The following RIC3 variants were observed in gnomAD, a reference collection of about 807,000 sequenced individuals.
The protein encoded by RIC3 is RIC3 acetylcholine receptor chaperone.
RIC3 carries 28 observed loss-of-function variants against 27.3 expected under a neutral mutation model. The ratio of observed to expected loss-of-function variants is 1.02; its 90% CI spans 0.76 to 1.41. The LOEUF is 1.41. RIC3 is among the 40% of genes most tolerant of loss of function. RIC3 has a pLI of 0.00. For synonymous variants in RIC3, 184 were observed against 160.4 expected (o/e 1.15, Z -1.11); for missense variants, 501 against 444.7 (o/e 1.13, Z -1.14).
rs1944862365 is a variant in RIC3 at position 8,108,000 on chromosome 11, A to G, written c.*2698T>C. ...ATAACTGTCATCCCCGAAGGATAAA[A>G]TAATTCTGGAAAATCCAAAAAGAAT... On this transcript the variant is annotated 3_prime_UTR_variant, in exon 6 of 6. Coordinates refer to ENST00000309737, the MANE Select transcript of RIC3 (RefSeq NM_001206671.4). 1 of 152,252 alleles carries G rather than the reference A, an allele frequency of 6.6e-6. No homozygotes were observed. The highest frequency in any genetic ancestry group is 1.5e-5 in the Non-Finnish European group (1 of 68,042). The allele number at this position is 152,252 out of a possible 1,614,324, so 9.4% of individuals were successfully genotyped here.
intron 2 of RIC3, chr11:8,138,663 A>G (rs770150165): frequency 1.1e-4 from 36 of 320,612 alleles, no homozygotes; most frequent in Non-Finnish European, 2.0e-4. Flanking sequence ...ACATGCTTAG[A>G]TATCTGCTAG....
intron 1 of RIC3, among the ~76,000 whole-genome samples, chr11:8,152,282 C>G (rs964623029): frequency 6.6e-6 from 1 of 152,152 alleles, no homozygotes; most frequent in African/African-American, 2.4e-5. Context: ...AAAACTTGTA[C>G]ACAAATGTTC....
In RIC3 at chr11:8,138,502, A is replaced by AG. The variant is rs1948666766; in HGVS notation, c.352-156_352-155insC. On this transcript the variant is annotated intron_variant, in intron 2 of 5. Coordinates refer to ENST00000309737, the MANE Select transcript of RIC3 (RefSeq NM_001206671.4). Reference sequence around the variant, plus strand: ...CTAGAGAAATAGCTCAAAAAAAAAAACGCCAAAAGATGAGGTTTCCAAGTA... The same window carrying AG: ...CTAGAGAAATAGCTCAAAAAAAAAAAGCGCCAAAAGATGAGGTTTCCAAGTA... 7.8e-6 allele frequency: 4 copies of AG among 509,788 alleles called. No homozygotes were observed. The South Asian group carries it at 1.5e-4, about 19-fold the overall frequency. The allele number at this position is 509,788 out of a possible 1,614,324, so 31.6% of individuals were successfully genotyped here.
rs567331820 is a variant in RIC3 at position 8,116,774 on chromosome 11, T to C, written c.671-5637A>G. Among the ~76,000 whole-genome samples, 8 of 152,246 alleles carry C rather than the reference T, an allele frequency of 5.3e-5. No individual in the cohort carries two copies. In the East Asian group the frequency reaches 1.4e-3, roughly 26 times the overall value. The stretch of plus-strand genomic sequence containing the variant: ...AGGCAATAATAAGTGTCAGCAAGGA[T>C]GTAGAGAAAAGGGAACCCTTATATA... On this transcript the variant is annotated intron_variant, in intron 5 of 5. Coordinates refer to ENST00000309737, the MANE Select transcript of RIC3 (RefSeq NM_001206671.4).
At chr11:8,116,949 T>C (rs540018888) in intron 5 of RIC3, among the ~76,000 whole-genome samples, 2 of 152,306 alleles carry the variant, frequency 1.3e-5, no homozygotes, top group East Asian at 3.9e-4. Context: ...CAAAAAGATA[T>C]CTGCACTCCC....
chr11:8,165,048 CTGG>C (rs1355221620), intron 1 of RIC3, among the ~76,000 whole-genome samples: 1 of 152,144 alleles, frequency 6.6e-6, no homozygotes, highest in Non-Finnish European at 1.5e-5. Context: ...TCTTACACTG[CTGG>C]TGGTCATGTA....
chr11:8,095,505 C>T, the RIC3 span: 8 of 1,608,436 alleles, frequency 5.0e-6, no homozygotes, highest in South Asian at 1.1e-5. Flanking sequence ...CAGGCACCAG[C>T]GGGCCAGCAG....
rs545149921 is a variant in RIC3 at position 8,146,731 on chromosome 11, G to A, written c.125-6538C>T. 2.6e-5 allele frequency among the ~76,000 whole-genome samples: 4 copies of A among 152,158 alleles called. No individual in the cohort carries two copies. In the South Asian group the frequency reaches 8.3e-4, roughly 32 times the overall value. On this transcript the variant is annotated intron_variant, in intron 1 of 5. Transcript: ENST00000309737. Reference sequence around the variant, plus strand: ...GGCAGGATAATTTGAAAGGCGGGGCGGGGTGGCAGGGGGCGGGGTGCTTCT... The same window carrying A: ...GGCAGGATAATTTGAAAGGCGGGGCAGGGTGGCAGGGGGCGGGGTGCTTCT...
At chr11:8,101,435 T>A, downstream of RIC3, 3 of 1,608,954 alleles carry the variant, frequency 1.9e-6, no homozygotes, top group Non-Finnish European at 2.5e-6. Flanking sequence ...TCCCTGGCTC[T>A]ACCATTCCTG....
At chr11:8,126,523 T>C in intron 5 of RIC3, 136 bp downstream of exon 5, 2 of 1,016,800 alleles carry the variant, frequency 2.0e-6, no homozygotes, top group African/African-American at 1.6e-5. Flanking sequence ...TCAAAACTCA[T>C]CCAACCGTAC....
chr11:8,097,523 T>G, the RIC3 span: 16 of 1,509,058 alleles, frequency 1.1e-5, no homozygotes, highest in Non-Finnish European at 1.4e-5. Context: ...ACCACTGACC[T>G]CTCAGTTCCT....
At chr11:8,152,603 T>C (rs1950336436) in intron 1 of RIC3, among the ~76,000 whole-genome samples, 1 of 152,144 alleles carries the variant, frequency 6.6e-6, no homozygotes, top group Non-Finnish European at 1.5e-5. Context: ...CTGCCTAATG[T>C]GTATGAGGTT....
chr11:8,110,474 A>G lies in RIC3; in HGVS notation c.*224T>C, dbSNP rs149258908. 3.3e-6 allele frequency: 2 copies of G among 613,100 alleles called. No homozygotes were observed. The highest frequency in any genetic ancestry group is 3.7e-5 in the African/African-American group (2 of 54,628). The allele number at this position is 613,100 out of a possible 1,614,324, so 38.0% of individuals were successfully genotyped here. ...ACTTCTCTGATAGAGGAAAGGCAGG[A>G]AGAGAAAGAGCGAAGCTGTCCTGTG... On this transcript the variant is annotated 3_prime_UTR_variant, in exon 6 of 6. Transcript: ENST00000309737.
At chr11:8,097,832 A>C in the RIC3 span, 4 of 1,609,804 alleles carry the variant, frequency 2.5e-6, no homozygotes, top group Admixed American at 6.7e-5. Context: ...CTGCGGTACT[A>C]GCATTCCCCC....
the RIC3 span, chr11:8,100,775 G>A: frequency 3.1e-6 from 5 of 1,604,576 alleles, no homozygotes; most frequent in Non-Finnish European, 4.3e-6. Context: ...TTTCTGGGGT[G>A]GTCATGGTGC....
rs148280540 is a variant in RIC3, at chr11:8,110,853, T to G, written c.955A>C (p.Asn319His). 3 of 1,614,076 alleles carry G rather than the reference T, an allele frequency of 1.9e-6. No individual in the cohort carries two copies. The African/African-American group carries it at 4.0e-5, about 22-fold the overall frequency. The stretch of plus-strand genomic sequence containing the variant: ...TAGCTATCTGCACTGAATCCAGCAT[T>G]CTCTGCCAAGACAGCAGGATCCTCG... ...EDEDPAVLAENAGFSADSYPE... is the reference protein window; with the variant it reads ...EDEDPAVLAEHAGFSADSYPE... Residue 319 changes from asparagine (N) to histidine (H), a missense_variant, in exon 6 of 6, where the codon AAT becomes CAT. Coordinates refer to ENST00000309737, the MANE Select transcript of RIC3 (RefSeq NM_001206671.4).
At chr11:8,100,548 A>G in the RIC3 span, 2 of 1,614,050 alleles carry the variant, frequency 1.2e-6, no homozygotes, top group East Asian at 2.2e-5. Context: ...GATGAGCGTG[A>G]TTGTCCCAGG....
intron 3 of RIC3, among the ~76,000 whole-genome samples, chr11:8,137,812 T>C (rs957236636): frequency 6.6e-6 from 1 of 152,218 alleles, no homozygotes. Flanking sequence ...TTCTAGTCTA[T>C]AAATTCTTGA....
rs545222418 is a variant in RIC3, at chr11:8,144,333, G to GA, written c.125-4141dup. Among the ~76,000 whole-genome samples, 20 of 149,798 alleles carry GA rather than the reference G, an allele frequency of 1.3e-4. No individual in the cohort carries two copies. In the South Asian group the frequency reaches 3.7e-3, roughly 27 times the overall value. On this transcript the variant is annotated intron_variant, in intron 1 of 5. Coordinates refer to ENST00000309737, the MANE Select transcript of RIC3 (RefSeq NM_001206671.4). Reference sequence around the variant, plus strand: ...ACGATGAACTCAAACAAATTTACAAGAAAAAAACAAACAACCCCATCAAAA... The same window carrying GA: ...ACGATGAACTCAAACAAATTTACAAGAAAAAAAACAAACAACCCCATCAAAA...
Sources: gnomAD v4.1 joint callset for allele counts (sites outside exome capture counted in the v4.1 genomes callset) on GRCh38, gnomAD v4.1.1 for gene constraint, MANE v1.5 for transcripts, NCBI Gene and HGNC (gene_info 2026-07-23, HGNC 2026-07-21) for gene names.